HDAC9: variants seen among roughly 807,000 people sequenced by gnomAD.
HDAC9 encodes the protein MEF-2 interacting transcription repressor (MITR) protein.
HDAC9 carries 41 observed loss-of-function variants against 139.4 expected under a neutral mutation model. That is an observed-to-expected ratio of 0.29 (90% confidence interval 0.23 to 0.38). The LOEUF is 0.38. Ranked by LOEUF, HDAC9 falls within the 10% of genes least tolerant of loss-of-function variation. The probability of loss-of-function intolerance (pLI) is 1.00; values close to 1 mark genes in which losing one functional copy is unlikely to be tolerated. For synonymous variants in HDAC9, 517 were observed against 476.2 expected (o/e 1.09, Z -1.12); for missense variants, 1,147 against 1,297.0 (o/e 0.88, Z 1.78).
intron 2 of HDAC9, among the ~76,000 whole-genome samples, chr7:18,525,063 G>A (rs2128223481): frequency 6.6e-6 from 1 of 151,954 alleles, no homozygotes; most frequent in Admixed American, 6.6e-5. Context: ...TTTTTAGTAT[G>A]CTATTCATTA....
intron 21 of HDAC9, among the ~76,000 whole-genome samples, chr7:18,849,572 T>G (rs1217034177): frequency 6.6e-6 from 1 of 152,174 alleles, no homozygotes. Flanking sequence ...ATGGCTTTGG[T>G]TTTTTAAAAA....
chr7:18,372,049 T>C (rs10236525), intron 1 of HDAC9, among the ~76,000 whole-genome samples: 32,227 of 152,112 alleles, frequency 0.21, 3,586 homozygotes, highest in Admixed American at 0.23. Context: ...AATAACTTTC[T>C]TACTACAAAT....
Position 18,954,147 on chromosome 7 carries a change from T to G in HDAC9, c.2939T>G (p.Leu980Arg). 3 of 1,557,892 alleles carry G rather than the reference T, an allele frequency of 1.9e-6. No individual in the cohort carries two copies. Among genetic ancestry groups the G allele is most frequent in the Non-Finnish European group, 2.6e-6 (3 of 1,143,676 alleles). The change falls in exon 24 of 26, where the codon CTG becomes CGG. Residue 980 changes from leucine (L) to arginine (R), a missense_variant and splice_region_variant. By Grantham distance (102) the Leu-to-Arg change is moderately radical. Around this residue, in one of 7 missense-constraint regions of HDAC9, gnomAD observed 407 missense variants for 521.5 expected, o/e 0.78. Coordinates refer to ENST00000686413, the MANE Select transcript of HDAC9 (RefSeq NM_178425.4). ...ACVNALLGNELEPLAEDILHQ... is the reference protein window; with the variant it reads ...ACVNALLGNEREPLAEDILHQ... Reference sequence around the variant, plus strand: ...TACTATTATCTACTATTCTTGCAGCTGGAGCCACTTGCAGAAGATATTCTC... The same window carrying G: ...TACTATTATCTACTATTCTTGCAGCGGGAGCCACTTGCAGAAGATATTCTC...
chr7:18,914,317 C>A (rs1007102822), intron 22 of HDAC9, among the ~76,000 whole-genome samples: 14 of 151,608 alleles, frequency 9.2e-5, no homozygotes, highest in African/African-American at 3.4e-4. Context: ...TACAGCAGCC[C>A]AGACAGACGA....
intron 1 of HDAC9, among the ~76,000 whole-genome samples, chr7:18,384,083 G>C (rs1448066282): frequency 6.6e-6 from 1 of 152,106 alleles, no homozygotes; most frequent in Non-Finnish European, 1.5e-5. Flanking sequence ...GGCCAAGGTG[G>C]GAGGATCACT....
intron 1 of HDAC9, among the ~76,000 whole-genome samples, chr7:18,350,684 T>C (rs1782782974): frequency 6.6e-6 from 1 of 152,170 alleles, no homozygotes; most frequent in African/African-American, 2.4e-5. Flanking sequence ...AAGGGAAAAA[T>C]CCACTTTTCC....
chr7:18,696,496 T>C (rs1425750913), intron 12 of HDAC9, among the ~76,000 whole-genome samples: 1 of 148,676 alleles, frequency 6.7e-6, no homozygotes, highest in Non-Finnish European at 1.5e-5. Flanking sequence ...TGAGACGGAG[T>C]CTTGCTCTGT....
intron 1 of HDAC9, among the ~76,000 whole-genome samples, chr7:18,377,048 T>C (rs1785046640): frequency 6.6e-6 from 1 of 152,136 alleles, no homozygotes; most frequent in South Asian, 2.1e-4. Context: ...TTGACAGTGC[T>C]GATATAGCAC....
chr7:18,871,479 A>T (rs1798910535), intron 21 of HDAC9, among the ~76,000 whole-genome samples: 1 of 152,184 alleles, frequency 6.6e-6, no homozygotes, highest in Admixed American at 6.6e-5. Context: ...CCATGGATAC[A>T]GTCATCTAAA....
At chr7:18,883,029 C>G (rs1799845787) in intron 22 of HDAC9, among the ~76,000 whole-genome samples, 1 of 151,994 alleles carries the variant, frequency 6.6e-6, no homozygotes, top group Admixed American at 6.6e-5. Flanking sequence ...ATAATAAATC[C>G]AGAGACAATT....
At chr7:18,111,896 A>G (rs959634574) in intron 1 of HDAC9, among the ~76,000 whole-genome samples, 1 of 152,154 alleles carries the variant, frequency 6.6e-6, no homozygotes, top group African/African-American at 2.4e-5. Context: ...AGAGTGGTGT[A>G]TGTACAAGCT....
chr7:18,186,378 G>C lies in HDAC9; in HGVS notation c.25+24029G>C, dbSNP rs145664206. The stretch of plus-strand genomic sequence containing the variant: ...TTTCTGTTGAAGCTAACAAGGAACA[G>C]GTGCACTGCTGGTGTTGGCATGTGC... On this transcript the variant is annotated intron_variant, in intron 2 of 12. Coordinates refer to the HDAC9 transcript ENST00000417496. Among the ~76,000 whole-genome samples, 16 of 152,370 alleles carry C rather than the reference G, an allele frequency of 1.1e-4. No homozygotes were observed. The East Asian group carries it at 3.1e-3, about 29-fold the overall frequency.
intron 2 of HDAC9, among the ~76,000 whole-genome samples, chr7:18,278,009 T>C (rs1242776303): frequency 6.6e-6 from 1 of 152,200 alleles, no homozygotes; most frequent in Non-Finnish European, 1.5e-5. Context: ...GCTAGTGACA[T>C]CAGAACCTTC....
chr7:18,317,681 G>T (rs1799753091), intron 1 of HDAC9, among the ~76,000 whole-genome samples: 1 of 152,150 alleles, frequency 6.6e-6, no homozygotes, highest in Admixed American at 6.5e-5. Flanking sequence ...GCTGCCTAAA[G>T]TAGTGTCAAG....
At chr7:18,763,492 C>G (rs946480031) in intron 15 of HDAC9, among the ~76,000 whole-genome samples, 2 of 152,010 alleles carry the variant, frequency 1.3e-5, no homozygotes, top group Admixed American at 1.3e-4. Flanking sequence ...TGTATACTAT[C>G]GAATTAACAT....
intron 1 of HDAC9, among the ~76,000 whole-genome samples, chr7:18,433,696 A>G (rs1447908933): frequency 6.6e-6 from 1 of 152,176 alleles, no homozygotes; most frequent in Non-Finnish European, 1.5e-5. Flanking sequence ...TCCCCACCCC[A>G]GGAATACAAC....
At chr7:18,091,861 A>G (rs1454612346) in intron 1 of HDAC9, among the ~76,000 whole-genome samples, 7 of 152,102 alleles carry the variant, frequency 4.6e-5, no homozygotes, top group South Asian at 4.2e-4. Flanking sequence ...GCTGCCCTTA[A>G]CTCTTAGAGG....
chr7:18,699,696 C>G (rs1166782446), intron 12 of HDAC9, among the ~76,000 whole-genome samples: 1 of 152,042 alleles, frequency 6.6e-6, no homozygotes, highest in Admixed American at 6.6e-5. Flanking sequence ...CTAAATGGCT[C>G]TTAGAAATCT....
chr7:18,721,970 G>A (rs1416516704), intron 12 of HDAC9, among the ~76,000 whole-genome samples: 1 of 152,066 alleles, frequency 6.6e-6, no homozygotes, highest in Admixed American at 6.6e-5. Flanking sequence ...TAGAATGATG[G>A]GGCCACAAAG....
Sources: gnomAD v4.1 joint callset for allele counts (sites outside exome capture counted in the v4.1 genomes callset) on GRCh38, gnomAD v4.1.1 for gene constraint, gnomAD v4.1.1 regional missense constraint, MANE v1.5 for transcripts, NCBI Gene and HGNC (gene_info 2026-07-23, HGNC 2026-07-21) for gene names.